Variants in ARIH1 observed in about 807,000 individuals in gnomAD.
ARIH1 encodes E3 ubiquitin-protein ligase ARIH1.
In ARIH1, 8 loss-of-function variants were observed where a neutral mutation model predicts 85.0. That is an observed-to-expected ratio of 0.09 (90% CI 0.06 to 0.17). The LOEUF (loss-of-function observed/expected upper bound fraction) is 0.17. Among genes scored for constraint, ARIH1 ranks in the 10% least tolerant of loss-of-function variants. The pLI, the probability that ARIH1 is intolerant of heterozygous loss-of-function variation, is 1.00. For missense variants in ARIH1, 311 were observed against 718.1 expected, an observed-to-expected ratio of 0.43 and a Z score of 6.48; for synonymous variants, 238 against 253.6, an observed-to-expected ratio of 0.94 and a Z score of 0.59.
intron 1 of ARIH1, among the ~76,000 whole-genome samples, chr15:72,494,419 G>A (rs1478580026): frequency 6.6e-6 from 1 of 152,088 alleles, no homozygotes; most frequent in Non-Finnish European, 1.5e-5. Flanking sequence ...GGGGTTAGAG[G>A]TGGCATTCCA....
chr15:72,476,900 T>G (rs1185843990), intron 1 of ARIH1, among the ~76,000 whole-genome samples: 4 of 152,178 alleles, frequency 2.6e-5, no homozygotes. Context: ...TCAAGTAAAT[T>G]TTTCGAGAAC....
intron 1 of ARIH1, among the ~76,000 whole-genome samples, chr15:72,484,905 T>C (rs1033805167): frequency 3.3e-5 from 5 of 152,152 alleles, no homozygotes; most frequent in African/African-American, 1.2e-4. Flanking sequence ...TGTGCAAGTA[T>C]CTTTTTCGTA....
At chr15:72,513,493 C>A (rs1396167619) in intron 1 of ARIH1, among the ~76,000 whole-genome samples, 1 of 151,996 alleles carries the variant, frequency 6.6e-6, no homozygotes, top group African/African-American at 2.4e-5. Flanking sequence ...TTTTTTATTT[C>A]AACAGTTTTA....
At chr15:72,496,028 A>G (rs1180304409) in intron 1 of ARIH1, among the ~76,000 whole-genome samples, 14 of 152,110 alleles carry the variant, frequency 9.2e-5, no homozygotes, top group Admixed American at 9.2e-4. Flanking sequence ...CTTCCGCCTC[A>G]GCCTCCTGAG....
chr15:72,555,776 G>T, intron 4 of ARIH1, 76 bp from the exon 5 acceptor site: 2 of 1,270,114 alleles, frequency 1.6e-6, no homozygotes. Context: ...CCAGAACCTA[G>T]CAAAGTGCCT....
At chr15:72,482,857 T>TTTTA (rs1567335931) in intron 1 of ARIH1, among the ~76,000 whole-genome samples, 1 of 150,026 alleles carries the variant, frequency 6.7e-6, no homozygotes, top group Non-Finnish European at 1.5e-5. Flanking sequence ...TTTTTTTTTT[T>TTTTA]AAAGACAGAG....
At chr15:72,491,052 G>C (rs953684136) in intron 1 of ARIH1, among the ~76,000 whole-genome samples, 1 of 152,096 alleles carries the variant, frequency 6.6e-6, no homozygotes, top group African/African-American at 2.4e-5. Context: ...GGAGGCAGAG[G>C]TTGCAGTGAG....
At chr15:72,567,554 T>G (rs1191893311) in intron 9 of ARIH1, among the ~76,000 whole-genome samples, 1 of 152,230 alleles carries the variant, frequency 6.6e-6, no homozygotes, top group African/African-American at 2.4e-5. Flanking sequence ...TAATTTACAT[T>G]TTTGTTTCTA....
At position 72,563,382 on chromosome 15, in the gene ARIH1, C is replaced by T; in HGVS notation, c.805-12C>T. On this transcript the variant is annotated splice_polypyrimidine_tract_variant and intron_variant, in intron 6 of 13. Transcript: ENST00000379887. ...CCAGCTGTCATTTTTTATTTTCTAA[C>T]TTGTATTTCAGTGCAATCGACTGTT... 1.9e-6 allele frequency: 3 copies of T among 1,609,182 alleles called. No individual in the cohort carries two copies. Among genetic ancestry groups the T allele is most frequent in the African/African-American group, 1.3e-5 (1 of 74,904 alleles).
intron 1 of ARIH1, among the ~76,000 whole-genome samples, chr15:72,501,108 A>G (rs184731866): frequency 1.3e-5 from 2 of 152,322 alleles, no homozygotes; most frequent in African/African-American, 4.8e-5. Context: ...AATAATTGAT[A>G]GAGAATGTAC....
intron 1 of ARIH1, chr15:72,475,274 T>C (rs536873227): frequency 9.3e-5 from 61 of 654,868 alleles, no homozygotes; most frequent in South Asian, 7.6e-4. Flanking sequence ...GCCTAAGCCT[T>C]CTCTTGCGGG....
chr15:72,527,968 G>T (rs1296246432), intron 2 of ARIH1, among the ~76,000 whole-genome samples: 2 of 151,900 alleles, frequency 1.3e-5, no homozygotes, highest in African/African-American at 4.8e-5. Flanking sequence ...TTTCTTTTCT[G>T]TAATAGAATT....
At chr15:72,544,723 C>A in intron 2 of ARIH1, 97 bp from the exon 3 acceptor site, 2 of 1,088,530 alleles carry the variant, frequency 1.8e-6, no homozygotes, top group East Asian at 2.4e-5. Context: ...TATTTTAATT[C>A]AACTTCTTGC....
intron 1 of ARIH1, among the ~76,000 whole-genome samples, chr15:72,512,032 GTAAT>G (rs2063952982): frequency 6.6e-6 from 1 of 152,144 alleles, no homozygotes; most frequent in South Asian, 2.1e-4. Context: ...TGATTGTGGT[GTAAT>G]TATCCTTTTT....
chr15:72,492,742 T>C (rs1595851308), intron 1 of ARIH1, among the ~76,000 whole-genome samples: 1 of 152,176 alleles, frequency 6.6e-6, no homozygotes, highest in East Asian at 1.9e-4. Context: ...GCTGGGTCCT[T>C]AGGATATATG....
intron 1 of ARIH1, among the ~76,000 whole-genome samples, chr15:72,480,428 T>A (rs2063811456): frequency 6.6e-6 from 1 of 150,816 alleles, no homozygotes; most frequent in East Asian, 2.0e-4. Flanking sequence ...CACCCAGCTA[T>A]TTTTTGTATT....
chr15:72,540,329 A>T (rs975840687), intron 2 of ARIH1, among the ~76,000 whole-genome samples: 1 of 151,748 alleles, frequency 6.6e-6, no homozygotes, highest in Non-Finnish European at 1.5e-5. Flanking sequence ...GAAGAGCTTT[A>T]GGAAGTTCTG....
intron 2 of ARIH1, among the ~76,000 whole-genome samples, chr15:72,534,959 C>CTTTTTTTTTTTTT (rs59841210): frequency 1.4e-5 from 1 of 73,910 alleles, no homozygotes; most frequent in Non-Finnish European, 3.5e-5. Flanking sequence ...TGTCTGTATT[C>CTTTTTTTTTTTTT]TTTTTTTTTT....
chr15:72,483,843 G>A (rs2063826129), intron 1 of ARIH1, among the ~76,000 whole-genome samples: 3 of 151,126 alleles, frequency 2.0e-5, no homozygotes, highest in Admixed American at 2.0e-4. Flanking sequence ...GAATCACCTG[G>A]GGATTTTTTT....
Sources: gnomAD v4.1 joint callset for allele counts (sites outside exome capture counted in the v4.1 genomes callset) on GRCh38, gnomAD v4.1.1 for gene constraint, MANE v1.5 for transcripts, NCBI Gene and HGNC (gene_info 2026-07-23, HGNC 2026-07-21) for gene names.